TEF: variants seen among roughly 807,000 people sequenced by gnomAD.
The protein encoded by TEF is thyrotroph embryonic factor.
TEF carries 3 observed loss-of-function variants against 20.8 expected under a neutral mutation model. That is an observed-to-expected ratio of 0.14 (90% CI 0.07 to 0.37). The LOEUF (loss-of-function observed/expected upper bound fraction) is 0.37, where lower values mean the gene tolerates loss of function less well. Among genes scored for constraint, TEF ranks in the 10% least tolerant of loss-of-function variants. TEF has a pLI of 1.00. For synonymous variants in TEF, 180 were observed against 171.1 expected, an observed-to-expected ratio of 1.05 and a Z score of -0.41; for missense variants, 296 against 397.9, an observed-to-expected ratio of 0.74 and a Z score of 2.18.
chr22:41,372,300 T>C (rs2036891666), intron 1 of TEF, among the ~76,000 whole-genome samples: 1 of 151,790 alleles, frequency 6.6e-6, no homozygotes, highest in Non-Finnish European at 1.5e-5. Flanking sequence ...TGTGAGAAAC[T>C]CATTCTTACC....
At chr22:41,390,751 G>A (rs1204340280) in intron 2 of TEF, among the ~76,000 whole-genome samples, 1 of 151,626 alleles carries the variant, frequency 6.6e-6, no homozygotes, top group East Asian at 1.9e-4. Context: ...CACCTGCCTC[G>A]GAAAGTGCTG....
intron 3 of TEF, 42 bp from the exon 4 acceptor site, chr22:41,395,703 G>C (rs370407963): frequency 1.9e-6 from 3 of 1,599,806 alleles, no homozygotes; most frequent in Non-Finnish European, 2.6e-6. Context: ...GGGTTCTCTC[G>C]TGGGGAAAGA....
At chr22:41,378,377 G>C (rs9611569), upstream of TEF, among the ~76,000 whole-genome samples, 2 of 115,358 alleles carry the variant, frequency 1.7e-5, no homozygotes, top group Admixed American at 8.9e-5. Flanking sequence ...AGGGAGTCTC[G>C]CTCTGTCGCT....
At chr22:41,370,097 T>C (rs1472529490) in intron 1 of TEF, 1 of 984,602 alleles carries the variant, frequency 1.0e-6, no homozygotes, top group Non-Finnish European at 1.2e-6. Context: ...CTCACTCCAC[T>C]TTCTTTTATT....
In TEF at chr22:41,397,030, C is replaced by T. The variant is rs576053140; in HGVS notation, c.*1070C>T. The T allele has an allele frequency of 2.1e-4, 84 of 398,906 alleles. No homozygotes were observed. Among genetic ancestry groups the T allele is most frequent in the Non-Finnish European group, 3.6e-4 (81 of 226,392 alleles). 24.7% of individuals were successfully genotyped at this position (398,906 alleles called of 1,614,324 possible). On this transcript the variant is annotated 3_prime_UTR_variant, in exon 4 of 4. Transcript: ENST00000266304. Reference sequence around the variant, plus strand: ...TGTGGCCTGGGCTGGAGTGCACTCTCCCTGGGGGCAGCTGGGGCCTCGCAA... The same window carrying T: ...TGTGGCCTGGGCTGGAGTGCACTCTTCCTGGGGGCAGCTGGGGCCTCGCAA...
At chr22:41,376,302 T>C (rs1486367548) in intron 1 of TEF, among the ~76,000 whole-genome samples, 1 of 152,238 alleles carries the variant, frequency 6.6e-6, no homozygotes. Context: ...AGTGGCGCAA[T>C]CTCGGCTCAC....
intron 1 of TEF, 141 bp downstream of exon 1, chr22:41,382,342 C>G (rs1290486086): frequency 4.0e-6 from 3 of 747,078 alleles, no homozygotes; most frequent in Non-Finnish European, 5.4e-6. Flanking sequence ...GACCAGGAGC[C>G]TGGAGGACGA....
chr22:41,372,178 G>A (rs546366792), intron 1 of TEF, among the ~76,000 whole-genome samples: 1 of 152,264 alleles, frequency 6.6e-6, no homozygotes, highest in Non-Finnish European at 1.5e-5. Context: ...GTGAGAAAAT[G>A]AACAAAGAGG....
intron 2 of TEF, 70 bp downstream of exon 2, chr22:41,387,738 T>C: frequency 6.8e-7 from 1 of 1,473,748 alleles, no homozygotes; most frequent in Non-Finnish European, 9.2e-7. Context: ...TGAGGGCTGC[T>C]TGTGTCCATG....
intron 2 of TEF, among the ~76,000 whole-genome samples, chr22:41,391,565 C>T (rs1271759304): frequency 6.6e-6 from 1 of 151,372 alleles, no homozygotes; most frequent in Non-Finnish European, 1.5e-5. Context: ...ATCCACCCAC[C>T]TCAGCCTCTC....
intron 1 of TEF, among the ~76,000 whole-genome samples, chr22:41,374,675 C>T (rs2036919641): frequency 6.6e-6 from 1 of 150,410 alleles, no homozygotes; most frequent in African/African-American, 2.5e-5. Context: ...ATGACAGCAT[C>T]ACTGCACTCC....
rs989764679 is a variant in TEF, at chr22:41,396,037, G to A, written c.*77G>A. 1.8e-5 allele frequency: 27 copies of A among 1,478,370 alleles called. No homozygotes were observed. Among genetic ancestry groups the A allele is most frequent in the Middle Eastern group, 2.1e-4 (1 of 4,812 alleles). The allele number at this position is 1,478,370 out of a possible 1,614,324, so 91.6% of individuals were successfully genotyped here. On this transcript the variant is annotated 3_prime_UTR_variant, in exon 4 of 4. Transcript: ENST00000266304. The stretch of plus-strand genomic sequence containing the variant: ...GGGGGCTCCCTGTAACCCCTCACAC[G>A]CGTGGAGACTTATGACTCGTCGTGG...
chr22:41,381,227 G>A (rs1050699478), upstream of TEF, among the ~76,000 whole-genome samples: 3 of 152,240 alleles, frequency 2.0e-5, no homozygotes, highest in African/African-American at 7.2e-5. Context: ...GGGAGCAGAA[G>A]TGCGGGCTAA....
chr22:41,376,032 G>C (rs929464068), intron 1 of TEF, among the ~76,000 whole-genome samples: 1 of 152,132 alleles, frequency 6.6e-6, no homozygotes, highest in African/African-American at 2.4e-5. Context: ...CAGTAAGCCA[G>C]AAAACAGAGT....
chr22:41,381,884 A>T, upstream of TEF: 1 of 1,225,402 alleles, frequency 8.2e-7, no homozygotes, highest in Non-Finnish European at 1.0e-6. Flanking sequence ...AATGTGCCAG[A>T]GCCGGTCCGC....
At chr22:41,392,952 T>C (rs1181935182) in intron 2 of TEF, among the ~76,000 whole-genome samples, 3 of 151,190 alleles carry the variant, frequency 2.0e-5, no homozygotes, top group Non-Finnish European at 4.4e-5. Context: ...CGGGAATCGG[T>C]TGAACCCGGG....
At chr22:41,381,246 T>TC (rs2037014546), upstream of TEF, among the ~76,000 whole-genome samples, 1 of 152,284 alleles carries the variant, frequency 6.6e-6, no homozygotes, top group African/African-American at 2.4e-5. Flanking sequence ...AAGCTCAGCG[T>TC]CCCTGCCCCG....
At chr22:41,369,587 C>T (rs921648534) in intron 1 of TEF, among the ~76,000 whole-genome samples, 27 of 151,968 alleles carry the variant, frequency 1.8e-4, no homozygotes, top group Non-Finnish European at 3.5e-4. Context: ...CAATCAGTTT[C>T]CCAAAGCTGC....
chr22:41,381,760 C>A (rs544114340), upstream of TEF, among the ~76,000 whole-genome samples: 20 of 152,114 alleles, frequency 1.3e-4, no homozygotes, highest in African/African-American at 4.8e-4. Flanking sequence ...ACGTGTCTAT[C>A]TTATCCCGGC....
Sources: gnomAD v4.1 joint callset for allele counts (sites outside exome capture counted in the v4.1 genomes callset) on GRCh38, gnomAD v4.1.1 for gene constraint, MANE v1.5 for transcripts, NCBI Gene and HGNC (gene_info 2026-07-23, HGNC 2026-07-21) for gene names.